The following ITPR3 variants were observed in gnomAD, a reference collection of about 807,000 sequenced individuals.
ITPR3 encodes inositol 1,4,5-trisphosphate receptor type 3.
Under a neutral mutation model 293.2 loss-of-function variants are expected in ITPR3, and 173 were observed. The observed-to-expected ratio is 0.59, with a 90% confidence interval of 0.52 to 0.67. The LOEUF is 0.67. ITPR3 is among the 30% of genes least tolerant of loss of function. ITPR3 has a pLI of 0.00. For synonymous variants in ITPR3, 1,295 were observed against 1,444.4 expected (o/e 0.90, Z 2.35); for missense variants, 2,796 against 3,592.1 (o/e 0.78, Z 5.66).
rs1294503818 is a variant in ITPR3 at position 33,663,536 on chromosome 6, A to T, written c.991A>T (p.Lys331Ter). 1 of 1,606,028 alleles carries T rather than the reference A, an allele frequency of 6.2e-7. No homozygotes were observed. Among genetic ancestry groups the T allele is most frequent in the Non-Finnish European group, 8.5e-7 (1 of 1,175,972 alleles). The change falls in exon 10 of 58, where the codon AAG becomes TAG. Residue 331 changes from lysine (K) to a stop codon, truncating the protein, a stop_gained. Coordinates refer to ENST00000605930, the MANE Select transcript of ITPR3 (RefSeq NM_002224.4). LOFTEE classifies it high-confidence loss of function. ...TTACAAAGGTGATGCCTCAGATCCCAAGGCAGCAGGAATGGTGAGGAGCAA... is the reference window on the plus strand; with the variant it reads ...TTACAAAGGTGATGCCTCAGATCCCTAGGCAGCAGGAATGGTGAGGAGCAA... ...PSYKGDASDP[K>*]AAGMGAQGRT...
In ITPR3 at chr6:33,691,467, C is replaced by T. The variant is rs1374013618; in HGVS notation, c.7226-148C>T. ...TGTGCAACCCAGTCGGGGGCAGAAG[C>T]GTGATGACCCTTCACTGTGGCTGGA... On this transcript the variant is annotated intron_variant, in intron 52 of 57. Coordinates refer to ENST00000605930, the MANE Select transcript of ITPR3 (RefSeq NM_002224.4). The surrounding 1 kb of genome is among the most constrained non-coding windows in gnomAD (Gnocchi z 4.9). 1.2e-5 allele frequency: 8 copies of T among 682,174 alleles called. No homozygotes were observed. Among genetic ancestry groups the T allele is most frequent in the South Asian group, 3.7e-5 (2 of 54,722 alleles). The allele number at this position is 682,174 out of a possible 1,614,324, so 42.3% of individuals were successfully genotyped here. A position where few individuals can be genotyped will look rare whatever the true frequency, so the allele number is the denominator to read the frequency against.
At position 33,691,778 on chromosome 6, in the gene ITPR3, C is replaced by G. The variant is rs982039036; in HGVS notation, c.7331-23C>G. ...GGTAGGAGGAGCAGGCAGCCCGGGC[C>G]TCAGCACACTCTCCGCTTGCAGAGG... On this transcript the variant is annotated intron_variant, in intron 53 of 57. Coordinates refer to ENST00000605930, the MANE Select transcript of ITPR3 (RefSeq NM_002224.4). The surrounding 1 kb of genome is among the most constrained non-coding windows in gnomAD (Gnocchi z 4.9). 1 of 1,613,884 alleles carries G rather than the reference C, an allele frequency of 6.2e-7. No individual in the cohort carries two copies. The highest frequency in any genetic ancestry group is 8.5e-7 in the Non-Finnish European group (1 of 1,179,960).
At position 33,670,744 on chromosome 6, in the gene ITPR3, G is replaced by T; in HGVS notation, c.2515G>T (p.Asp839Tyr). The T allele has an allele frequency of 1.2e-6, 2 of 1,614,154 alleles. No homozygotes were observed. The highest frequency in any genetic ancestry group is 1.7e-6 in the Non-Finnish European group (2 of 1,180,032). Reference sequence around the variant, plus strand: ...TGCCAACACCATGGAGTTCGTGGAGGACTACCTCAACAATGTAGTCAGCGA... The same window carrying T: ...TGCCAACACCATGGAGTTCGTGGAGTACTACCTCAACAATGTAGTCAGCGA... ...KFANTMEFVE[D>Y]YLNNVVSEAV... is the part of the protein sequence containing the mutation. Residue 839 changes from aspartate (D) to tyrosine (Y), a missense_variant, in exon 20 of 58, where the codon GAC (aspartate) becomes TAC (tyrosine). This residue lies in a region of ITPR3 where 955 missense variants were observed against 1,180.8 expected (regional missense o/e 0.81). Transcript: ENST00000605930. The surrounding 1 kb of genome is among the most constrained non-coding windows in gnomAD (Gnocchi z 6.7).
Position 33,670,520 on chromosome 6 carries a change from G to A in ITPR3, c.2385G>A (p.Thr795=), listed in dbSNP as rs774973210. The A allele has an allele frequency of 3.3e-5, 53 of 1,613,626 alleles. No individual in the cohort carries two copies. The Middle Eastern group carries it at 6.6e-4, about 20-fold the overall frequency. Residue 795 remains threonine (T), a synonymous_variant, in exon 19 of 58, where the codon ACG becomes ACA. Transcript: ENST00000605930. This position sits in a 1 kb window ranked among gnomAD's most constrained non-coding sequence, Gnocchi z 6.7. The stretch of plus-strand genomic sequence containing the variant: ...ACCGTGACCCCCAGGAGCTGGTCAC[G>A]CCGGTCAAGTTTGCCCGTCTCTGGA... The part of the protein sequence containing the change: ...HVDRDPQELV[T]PVKFARLWTE...
rs2274196 is a variant in ITPR3, at chr6:33,678,371, G to A, written c.3649-50G>A. ...CCTGTCAGAGCTCAGCCAGGGCCTC[G>A]CCTCCCTCCTTGGTGGGCCCAGCAC... On this transcript the variant is annotated intron_variant, in intron 28 of 57. Transcript: ENST00000605930. 0.014 allele frequency: 22,557 copies of A among 1,598,876 alleles called. 504 individuals carry two copies. Among genetic ancestry groups the A allele is most frequent in the East Asian group, 0.12 (5,189 of 44,530 alleles).
At position 33,664,763 on chromosome 6, in the gene ITPR3, G is replaced by A. The variant is rs1764564376; in HGVS notation, c.1149-107G>A. On this transcript the variant is annotated intron_variant, in intron 11 of 57. Coordinates refer to ENST00000605930, the MANE Select transcript of ITPR3 (RefSeq NM_002224.4). The surrounding 1 kb of genome is among the most constrained non-coding windows in gnomAD (Gnocchi z 4.4). Reference sequence around the variant, plus strand: ...CTCCTGTCCCACAGCTGTTGAGGGTGTGGAGTAGGGTGGCAGCTGTGGCAG... The same window carrying A: ...CTCCTGTCCCACAGCTGTTGAGGGTATGGAGTAGGGTGGCAGCTGTGGCAG... The A allele has an allele frequency of 2.0e-5, 18 of 879,918 alleles. No individual in the cohort carries two copies. Among genetic ancestry groups the A allele is most frequent in the Non-Finnish European group, 3.1e-5 (17 of 549,044 alleles). 54.5% of individuals were successfully genotyped at this position (879,918 alleles called of 1,614,324 possible).
chr6:33,663,178 C>A (rs566313171), intron 9 of ITPR3, among the ~76,000 whole-genome samples, 172 bp downstream of exon 9: 1 of 152,336 alleles, frequency 6.6e-6, no homozygotes, highest in Admixed American at 6.5e-5. Context: ...TGTAAATAAG[C>A]CTAATAAATA....
rs954155887 is a variant in ITPR3 at position 33,679,345 on chromosome 6, G to A, written c.3972+506G>A. 2.0e-5 allele frequency among the ~76,000 whole-genome samples: 3 copies of A among 152,172 alleles called. No homozygotes were observed. Among genetic ancestry groups the A allele is most frequent in the African/African-American group, 4.8e-5 (2 of 41,440 alleles). On this transcript the variant is annotated intron_variant, in intron 30 of 57. Coordinates refer to ENST00000605930, the MANE Select transcript of ITPR3 (RefSeq NM_002224.4). This position sits in a 1 kb window ranked among gnomAD's most constrained non-coding sequence, Gnocchi z 4.2. ...GGCTGAGTCTAAATCTGGAACAGACGTGGTCCCTGCCCCTGAGCATCTGAC... is the reference window on the plus strand; with the variant it reads ...GGCTGAGTCTAAATCTGGAACAGACATGGTCCCTGCCCCTGAGCATCTGAC...
Position 33,667,973 on chromosome 6 carries a change from G to A in ITPR3, c.1886+9G>A, listed in dbSNP as rs1184687635. The A allele has an allele frequency of 1.1e-5, 17 of 1,613,674 alleles. No individual in the cohort carries two copies. The highest frequency in any genetic ancestry group is 1.4e-5 in the Non-Finnish European group (17 of 1,179,798). ...AAGAACCGGGAGCCCAGGTGGGCCC[G>A]AACCCCCTCCCCGGCCGGCGCCTGC... On this transcript the variant is annotated intron_variant, in intron 16 of 57. Transcript: ENST00000605930. This position sits in a 1 kb window ranked among gnomAD's most constrained non-coding sequence, Gnocchi z 4.4.
chr6:33,623,314 C>G, intron 1 of ITPR3, among the ~76,000 whole-genome samples: 1 of 136,608 alleles, frequency 7.3e-6, no homozygotes, highest in African/African-American at 2.7e-5. Context: ...TTTTCAAGTG[C>G]CTGTGAGTTT....
chr6:33,693,442 G>A (rs1765449983), intron 55 of ITPR3, 103 bp from the exon 56 acceptor site: 1 of 1,253,892 alleles, frequency 8.0e-7, no homozygotes, highest in Non-Finnish European at 1.1e-6. Context: ...CTCATCCCGA[G>A]AACAAATGCC....
Position 33,631,576 on chromosome 6 carries a change from C to T in ITPR3, c.90-8908C>T, listed in dbSNP as rs576926906. On this transcript the variant is annotated intron_variant, in intron 1 of 57. Transcript: ENST00000605930. ...GCTCTTCAAAGAGGAACCAGGAGTA[C>T]GGGAGGAGCATGAAAGTGGACAAGG... Among the ~76,000 whole-genome samples the T allele has an allele frequency of 2.5e-3, 379 of 152,286 alleles. 4 individuals are homozygous for T. The highest frequency in any genetic ancestry group is 8.4e-3 in the African/African-American group (348 of 41,560).
chr6:33,691,902 G>A lies in ITPR3; in HGVS notation c.7432G>A (p.Asp2478Asn), dbSNP rs377752852. ...GCTACGCAACGGTGGTGGCGTGGGC[G>A]ACATTCTCCGCAAGCCCTCCAAAGA... is the stretch of plus-strand genomic sequence containing the variant. ...HGLRNGGGVG[D>N]ILRKPSKDES... The change falls in exon 54 of 58, where the codon GAC becomes AAC. Residue 2478 changes from aspartate (D) to asparagine (N), a missense_variant. Transcript: ENST00000605930. This position sits in a 1 kb window ranked among gnomAD's most constrained non-coding sequence, Gnocchi z 4.9. 5.6e-6 allele frequency: 9 copies of A among 1,613,886 alleles called. No individual in the cohort carries two copies. The highest frequency in any genetic ancestry group is 1.1e-5 in the South Asian group (1 of 91,076).
Position 33,658,853 on chromosome 6 carries a change from G to A in ITPR3, c.528+25G>A, listed in dbSNP as rs772211659. 11 of 1,613,018 alleles carry A rather than the reference G, an allele frequency of 6.8e-6. No homozygotes were observed. Among genetic ancestry groups the A allele is most frequent in the Admixed American group, 1.7e-5 (1 of 59,968 alleles). ...CGTGAGGGCAGGGCCAGGGTTGGAG[G>A]GGCCTGGTGGAACTCCCGAGGGGCT... On this transcript the variant is annotated intron_variant, in intron 5 of 57. Transcript: ENST00000605930. This position sits in a 1 kb window ranked among gnomAD's most constrained non-coding sequence, Gnocchi z 6.1.
At chr6:33,689,865 C>T (rs756244338) in intron 50 of ITPR3, among the ~76,000 whole-genome samples, 169 bp from the exon 51 acceptor site, 96 of 152,198 alleles carry the variant, frequency 6.3e-4, no homozygotes, top group Non-Finnish European at 1.2e-3. Context: ...GAACTGAGGA[C>T]CCAAGGGGCT....
Position 33,658,835 on chromosome 6 carries a change from G to A in ITPR3, c.528+7G>A, listed in dbSNP as rs2127262689. 2 of 1,614,012 alleles carry A rather than the reference G, an allele frequency of 1.2e-6. No individual in the cohort carries two copies. Among genetic ancestry groups the A allele is most frequent in the Non-Finnish European group, 1.7e-6 (2 of 1,179,946 alleles). ...GCGGAGCAACGGGGACAACGTGAGG[G>A]CAGGGCCAGGGTTGGAGGGGCCTGG... On this transcript the variant is annotated splice_region_variant and intron_variant, in intron 5 of 57. Coordinates refer to ENST00000605930, the MANE Select transcript of ITPR3 (RefSeq NM_002224.4). This position sits in a 1 kb window ranked among gnomAD's most constrained non-coding sequence, Gnocchi z 6.1.
In ITPR3 at chr6:33,672,413, AGC is replaced by A. The variant is rs1764793640; in HGVS notation, c.2928+186_2928+187del. Among the ~76,000 whole-genome samples, 1 of 151,710 alleles carries A rather than the reference AGC, an allele frequency of 6.6e-6. No individual in the cohort carries two copies. Among genetic ancestry groups the A allele is most frequent in the South Asian group, 2.1e-4 (1 of 4,778 alleles). ...GGTTCTTGGGCCAGCCTCACCTGGG[AGC>A]TTGTTAGAAGTGCACATTCTCGGTT... On this transcript the variant is annotated intron_variant, in intron 22 of 57. Transcript: ENST00000605930. This position sits in a 1 kb window ranked among gnomAD's most constrained non-coding sequence, Gnocchi z 5.0.
At position 33,655,104 on chromosome 6, in the gene ITPR3, C is replaced by T. The variant is rs1249181356; in HGVS notation, c.161-662C>T. On this transcript the variant is annotated intron_variant, in intron 2 of 57. Coordinates refer to ENST00000605930, the MANE Select transcript of ITPR3 (RefSeq NM_002224.4). This position sits in a 1 kb window ranked among gnomAD's most constrained non-coding sequence, Gnocchi z 4.9. ...TTAGGTCAGATTCCTAGAAGCAGAGCCTAAGATGGGTGAATTCTTGAGGAA... is the reference window on the plus strand; with the variant it reads ...TTAGGTCAGATTCCTAGAAGCAGAGTCTAAGATGGGTGAATTCTTGAGGAA... Among the ~76,000 whole-genome samples, 2 of 152,184 alleles carry T rather than the reference C, an allele frequency of 1.3e-5. No individual in the cohort carries two copies. The highest frequency in any genetic ancestry group is 2.9e-5 in the Non-Finnish European group (2 of 68,038).
At position 33,695,671 on chromosome 6, in the gene ITPR3, A is replaced by G. The variant is rs141397327; in HGVS notation, c.7948-41A>G. On this transcript the variant is annotated intron_variant, in intron 57 of 57. Transcript: ENST00000605930. Reference sequence around the variant, plus strand: ...ACAGCACCCATGGAGGGAAGGTGCCAGGCGGCCTGACCAGGCCTGTTGGCA... The same window carrying G: ...ACAGCACCCATGGAGGGAAGGTGCCGGGCGGCCTGACCAGGCCTGTTGGCA... 2.7e-3 allele frequency: 4,382 copies of G among 1,601,166 alleles called. 63 individuals carry two copies. In the South Asian group the frequency reaches 0.027, roughly 10 times the overall value.
Sources: gnomAD v4.1 joint callset for allele counts (sites outside exome capture counted in the v4.1 genomes callset) on GRCh38, gnomAD v4.1.1 for gene constraint, gnomAD v4.1.1 regional missense constraint, Gnocchi (gnomAD v3.1) non-coding constraint, MANE v1.5 for transcripts, NCBI Gene and HGNC (gene_info 2026-07-23, HGNC 2026-07-21) for gene names.